The following LINGO2 variants were observed in gnomAD, a reference collection of about 807,000 sequenced individuals.
LINGO2 encodes the protein leucine rich repeat and Ig domain containing 2, also known as leucine-rich repeat and immunoglobulin-like domain-containing nogo receptor-interacting protein 2.
Under a neutral mutation model 30.6 loss-of-function variants are expected in LINGO2, and 14 were observed. The ratio of observed to expected loss-of-function variants is 0.46; its 90% confidence interval spans 0.30 to 0.72. LINGO2 has a LOEUF of 0.72. Among genes scored for constraint, LINGO2 ranks in the 30% least tolerant of loss-of-function variants. The pLI, the probability that LINGO2 is intolerant of heterozygous loss-of-function variation, is 0.07. For missense variants in LINGO2, 729 were observed against 751.7 expected, an observed-to-expected ratio of 0.97 and a Z score of 0.35; for synonymous variants, 317 against 288.5, an observed-to-expected ratio of 1.10 and a Z score of -1.00.
chr9:27,999,436 CAG>C (rs36216761), intron 5 of LINGO2, among the ~76,000 whole-genome samples: 1,776 of 143,430 alleles, frequency 0.012, 14 homozygotes, highest in Middle Eastern at 0.025. Flanking sequence ...GCCTAATCTT[CAG>C]AGAGAGAGAG....
chr9:29,031,718 A>G, the LINGO2 span, among the ~76,000 whole-genome samples: 1 of 152,176 alleles, frequency 6.6e-6, no homozygotes, highest in Non-Finnish European at 1.5e-5. Context: ...AAAATGGAGT[A>G]TAATTTTAAA....
intron 4 of LINGO2, among the ~76,000 whole-genome samples, chr9:28,094,629 CAT>C (rs1222326680): frequency 6.6e-6 from 1 of 151,990 alleles, no homozygotes; most frequent in Non-Finnish European, 1.5e-5. Flanking sequence ...GCATGCATTT[CAT>C]ATGTGTGCTA....
At chr9:28,221,572 A>C (rs1820969300) in intron 4 of LINGO2, among the ~76,000 whole-genome samples, 1 of 152,176 alleles carries the variant, frequency 6.6e-6, no homozygotes, top group South Asian at 2.1e-4. Context: ...TTTAGAAATT[A>C]CTGGTAATAA....
At chr9:28,570,954 T>C (rs1823660075) in intron 1 of LINGO2, among the ~76,000 whole-genome samples, 1 of 151,498 alleles carries the variant, frequency 6.6e-6, no homozygotes, top group East Asian at 1.9e-4. Context: ...AGAAAAAACT[T>C]CTACTGATAT....
the LINGO2 span, among the ~76,000 whole-genome samples, chr9:29,189,469 G>A: frequency 6.6e-6 from 1 of 151,788 alleles, no homozygotes; most frequent in South Asian, 2.1e-4. Flanking sequence ...GCGCCGGGCA[G>A]AGGCGCTCCT....
At chr9:28,562,838 T>G in intron 1 of LINGO2, among the ~76,000 whole-genome samples, 1 of 145,314 alleles carries the variant, frequency 6.9e-6, no homozygotes. Flanking sequence ...ATTTATTTAT[T>G]TGTGTATTTA....
At chr9:28,234,343 T>C (rs1041291840) in intron 4 of LINGO2, among the ~76,000 whole-genome samples, 3 of 152,248 alleles carry the variant, frequency 2.0e-5, no homozygotes, top group Admixed American at 6.5e-5. Context: ...AGCAGAAGCT[T>C]CTTTGACTAT....
At chr9:28,837,782 C>A in the LINGO2 span, among the ~76,000 whole-genome samples, 1 of 148,972 alleles carries the variant, frequency 6.7e-6, no homozygotes, top group South Asian at 2.1e-4. Context: ...TGTGGTCCTG[C>A]AGAACATTTC....
At chr9:28,733,605 C>T in the LINGO2 span, among the ~76,000 whole-genome samples, 2 of 152,092 alleles carry the variant, frequency 1.3e-5, no homozygotes, top group Non-Finnish European at 2.9e-5. Context: ...AGCATGATTC[C>T]TCTTTCCTTC....
At chr9:28,249,082 T>C (rs1587322535) in intron 4 of LINGO2, among the ~76,000 whole-genome samples, 4 of 152,212 alleles carry the variant, frequency 2.6e-5, no homozygotes, top group Admixed American at 2.6e-4. Flanking sequence ...TTTACTTACA[T>C]GATTTGTGGG....
intron 1 of LINGO2, among the ~76,000 whole-genome samples, chr9:28,582,880 C>T (rs561513423): frequency 5.3e-5 from 8 of 151,970 alleles, no homozygotes; most frequent in African/African-American, 1.9e-4. Context: ...GAAAAACATA[C>T]CGATGCTTTG....
intron 4 of LINGO2, among the ~76,000 whole-genome samples, chr9:28,065,863 G>A (rs529127179): frequency 2.0e-5 from 3 of 152,186 alleles, no homozygotes; most frequent in South Asian, 2.1e-4. Flanking sequence ...TATGGCAGCA[G>A]CTCACAAAAA....
chr9:29,033,675 G>A, the LINGO2 span, among the ~76,000 whole-genome samples: 2 of 151,762 alleles, frequency 1.3e-5, no homozygotes, highest in African/African-American at 2.4e-5. Context: ...TTACTTTCCT[G>A]AGTGGAGTTC....
chr9:29,150,701 C>T, the LINGO2 span, among the ~76,000 whole-genome samples: 5 of 152,126 alleles, frequency 3.3e-5, no homozygotes, highest in Non-Finnish European at 5.9e-5. Context: ...TTTGAATCAA[C>T]AGTCAATTTT....
At chr9:28,340,296 G>A (rs1341635599) in intron 3 of LINGO2, among the ~76,000 whole-genome samples, 1 of 152,094 alleles carries the variant, frequency 6.6e-6, no homozygotes, top group Non-Finnish European at 1.5e-5. Context: ...GAAGCACAAT[G>A]TCTCGTATAT....
At chr9:28,753,130 C>T in the LINGO2 span, among the ~76,000 whole-genome samples, 1 of 151,796 alleles carries the variant, frequency 6.6e-6, no homozygotes, top group African/African-American at 2.4e-5. Flanking sequence ...ATCCCAGGTG[C>T]ATATTTTGGA....
At chr9:28,347,952 C>A (rs1819657996) in intron 3 of LINGO2, among the ~76,000 whole-genome samples, 2 of 152,088 alleles carry the variant, frequency 1.3e-5, no homozygotes, top group African/African-American at 4.8e-5. Flanking sequence ...ATAGAAATAT[C>A]CCATTAAAAA....
chr9:28,437,645 G>A (rs1354725357), intron 2 of LINGO2, among the ~76,000 whole-genome samples: 3 of 151,542 alleles, frequency 2.0e-5, no homozygotes, highest in East Asian at 1.9e-4. Flanking sequence ...CCTGACCAAT[G>A]TATCTCCTCT....
At chr9:29,070,590 C>T in the LINGO2 span, among the ~76,000 whole-genome samples, 1 of 151,946 alleles carries the variant, frequency 6.6e-6, no homozygotes, top group African/African-American at 2.4e-5. Context: ...CTACAGACCC[C>T]CAGGTGGAAA....
Sources: allele counts gnomAD v4.1 joint callset (sites outside exome capture counted in the v4.1 genomes callset), GRCh38; gene constraint gnomAD v4.1.1; transcripts MANE v1.5; gene names NCBI Gene and HGNC (gene_info 2026-07-23, HGNC 2026-07-21).